Variants in SNX29 observed in about 807,000 individuals in gnomAD.
SNX29 encodes the protein sorting nexin 29.
Under a neutral mutation model 102.1 loss-of-function variants are expected in SNX29, and 78 were observed. The ratio of observed to expected loss-of-function variants is 0.76; its 90% CI spans 0.64 to 0.92. The LOEUF is 0.92. Ranked by LOEUF, SNX29 falls within the 40% of genes least tolerant of loss-of-function variation. The pLI, the probability that SNX29 is intolerant of heterozygous loss-of-function variation, is 0.00. For synonymous variants in SNX29, 580 were observed against 414.5 expected, an observed-to-expected ratio of 1.40 and a Z score of -4.85; for missense variants, 1,280 against 1,061.7, an observed-to-expected ratio of 1.21 and a Z score of -2.86.
chr16:12,145,851 T>C (rs1597037985), intron 13 of SNX29, among the ~76,000 whole-genome samples: 1 of 152,378 alleles, frequency 6.6e-6, no homozygotes, highest in East Asian at 1.9e-4. Context: ...ACCATTTTTT[T>C]CCCTTGTAGG....
intron 3 of SNX29, among the ~76,000 whole-genome samples, chr16:12,019,466 A>C (rs1292117208): frequency 6.6e-6 from 1 of 151,926 alleles, no homozygotes; most frequent in Non-Finnish European, 1.5e-5. Flanking sequence ...CGGCCTCCCA[A>C]AGTGCTGGGA....
chr16:12,191,285 G>T (rs1015870121), intron 13 of SNX29, among the ~76,000 whole-genome samples: 2 of 152,130 alleles, frequency 1.3e-5, no homozygotes, highest in African/African-American at 4.8e-5. Flanking sequence ...GTGCGGCTTG[G>T]TTCCTGACAG....
At chr16:12,326,636 A>T (rs745532921) in intron 15 of SNX29, among the ~76,000 whole-genome samples, 39 of 152,148 alleles carry the variant, frequency 2.6e-4, no homozygotes, top group Non-Finnish European at 5.0e-4. Context: ...CGGGGCTGTA[A>T]CTTGCTGGCC....
intron 20 of SNX29, among the ~76,000 whole-genome samples, chr16:12,555,241 A>G (rs1283647751): frequency 2.6e-5 from 4 of 151,424 alleles, no homozygotes; most frequent in South Asian, 2.1e-4. Context: ...AATGGAGGTG[A>G]GAGATGAGGG....
intron 20 of SNX29, among the ~76,000 whole-genome samples, chr16:12,552,765 G>A (rs552947518): frequency 6.6e-6 from 1 of 152,362 alleles, no homozygotes; most frequent in Admixed American, 6.5e-5. Flanking sequence ...TTTAAGGTAT[G>A]AATTCATCTC....
intron 9 of SNX29, 121 bp from the exon 10 acceptor site, chr16:12,068,936 G>T: frequency 1.2e-6 from 1 of 866,992 alleles, no homozygotes; most frequent in Non-Finnish European, 1.8e-6. Flanking sequence ...AGGAGAGATG[G>T]AGAAAAATTT....
At chr16:12,376,172 G>A (rs2082867718) in intron 16 of SNX29, 1 of 152,382 alleles carries the variant, frequency 6.6e-6, no homozygotes, top group East Asian at 1.9e-4. Flanking sequence ...AGGAACCGGA[G>A]CCACGGGGTC....
intron 4 of SNX29, among the ~76,000 whole-genome samples, chr16:12,039,038 G>A (rs1465724346): frequency 6.6e-6 from 1 of 152,168 alleles, no homozygotes; most frequent in East Asian, 1.9e-4. Flanking sequence ...CGAGGGACCT[G>A]CCCTCTTGCT....
At chr16:12,254,587 G>A (rs796303359) in intron 14 of SNX29, among the ~76,000 whole-genome samples, 1 of 152,154 alleles carries the variant, frequency 6.6e-6, no homozygotes, top group African/African-American at 2.4e-5. Flanking sequence ...GTTGCAGTGA[G>A]CTGAGATTGC....
intron 13 of SNX29, among the ~76,000 whole-genome samples, chr16:12,138,281 C>CA (rs1281216527): frequency 6.7e-6 from 1 of 148,362 alleles, no homozygotes; most frequent in East Asian, 2.0e-4. Flanking sequence ...GATCTCGGCT[C>CA]ACTGCAACCT....
At chr16:12,472,445 G>C (rs2087391352) in intron 18 of SNX29, among the ~76,000 whole-genome samples, 1 of 151,466 alleles carries the variant, frequency 6.6e-6, no homozygotes, top group South Asian at 2.1e-4. Context: ...CTTGAACCTG[G>C]GAGGTGGAGG....
chr16:12,128,866 G>A (rs1034121045), intron 12 of SNX29, among the ~76,000 whole-genome samples: 1 of 152,166 alleles, frequency 6.6e-6, no homozygotes, highest in Admixed American at 6.6e-5. Context: ...GAAGTAAATG[G>A]TTAGCAGCAC....
At chr16:12,256,989 C>G (rs1481280142) in intron 14 of SNX29, among the ~76,000 whole-genome samples, 1 of 152,198 alleles carries the variant, frequency 6.6e-6, no homozygotes, top group Non-Finnish European at 1.5e-5. Flanking sequence ...AATTATCTTA[C>G]AGATTTGGAG....
At chr16:12,556,836 G>A (rs2078383738) in intron 20 of SNX29, among the ~76,000 whole-genome samples, 1 of 152,024 alleles carries the variant, frequency 6.6e-6, no homozygotes, top group Non-Finnish European at 1.5e-5. Flanking sequence ...AGGAACAGAA[G>A]TTTGATGGTG....
chr16:12,285,844 G>A lies in SNX29; in HGVS notation c.1782+7808G>A, dbSNP rs369813251. The stretch of plus-strand genomic sequence containing the variant: ...ACTCAAAATGAAAGGTATGATGTTA[G>A]GTTTATTTATTTATTTATTTTTTAT... On this transcript the variant is annotated intron_variant, in intron 15 of 20. Coordinates refer to ENST00000566228, the MANE Select transcript of SNX29 (RefSeq NM_032167.5). Among the ~76,000 whole-genome samples the A allele has an allele frequency of 3.3e-5, 5 of 152,218 alleles. No individual in the cohort carries two copies. The South Asian group carries it at 1.0e-3, about 32-fold the overall frequency.
At chr16:12,457,023 C>T (rs749324215) in intron 18 of SNX29, among the ~76,000 whole-genome samples, 3 of 152,196 alleles carry the variant, frequency 2.0e-5, no homozygotes, top group East Asian at 1.9e-4. Context: ...GCCATAATGC[C>T]ACCCTCTTCT....
chr16:12,546,277 T>C (rs962177279), intron 20 of SNX29: 4 of 152,214 alleles, frequency 2.6e-5, no homozygotes, highest in African/African-American at 9.7e-5. Context: ...ATTAGTCCGT[T>C]TTCACAGTGC....
At chr16:12,069,713 G>C (rs1355711264) in intron 10 of SNX29, among the ~76,000 whole-genome samples, 1 of 151,118 alleles carries the variant, frequency 6.6e-6, no homozygotes, top group Non-Finnish European at 1.5e-5. Context: ...TTCTTTTTGA[G>C]ACAGTCTCGC....
intron 11 of SNX29, among the ~76,000 whole-genome samples, chr16:12,113,208 A>C (rs1439138726): frequency 1.3e-5 from 2 of 152,162 alleles, no homozygotes; most frequent in Non-Finnish European, 2.9e-5. Flanking sequence ...GCAGATGCCT[A>C]ATCTCTTTTC....
Sources: gnomAD v4.1 joint callset for allele counts (sites outside exome capture counted in the v4.1 genomes callset) on GRCh38, gnomAD v4.1.1 for gene constraint, MANE v1.5 for transcripts, NCBI Gene and HGNC (gene_info 2026-07-23, HGNC 2026-07-21) for gene names.